Variants in CPQ observed in about 807,000 individuals in gnomAD.
The protein encoded by CPQ is carboxypeptidase Q.
CPQ carries 37 observed loss-of-function variants against 45.7 expected under a neutral mutation model. The ratio of observed to expected loss-of-function variants is 0.81; its 90% CI spans 0.62 to 1.07. The LOEUF (loss-of-function observed/expected upper bound fraction) is 1.07. Among genes scored for constraint, CPQ ranks in the 50% least tolerant of loss-of-function variants. The pLI, the probability that CPQ is intolerant of heterozygous loss-of-function variation, is 0.00. For missense variants in CPQ, 537 were observed against 572.9 expected (o/e 0.94, Z 0.64); for synonymous variants, 186 against 205.8 (o/e 0.90, Z 0.82).
At chr8:96,941,311 A>G (rs754517641) in intron 4 of CPQ, among the ~76,000 whole-genome samples, 5 of 152,138 alleles carry the variant, frequency 3.3e-5, no homozygotes, top group Admixed American at 6.6e-5. Context: ...TTGCACTCTT[A>G]CTATTATAAA....
chr8:96,853,462 C>T (rs991915737), intron 3 of CPQ, among the ~76,000 whole-genome samples: 7 of 152,126 alleles, frequency 4.6e-5, no homozygotes, highest in Non-Finnish European at 1.0e-4. Context: ...CTCAACCTTG[C>T]ACTGTGCTGT....
chr8:96,701,786 C>T (rs1809465839), intron 1 of CPQ, among the ~76,000 whole-genome samples: 2 of 152,138 alleles, frequency 1.3e-5, no homozygotes, highest in Admixed American at 1.3e-4. Context: ...CAGCTAAAGC[C>T]CTGACACTCA....
chr8:96,956,594 C>A (rs1040509052), intron 4 of CPQ, among the ~76,000 whole-genome samples: 1 of 152,000 alleles, frequency 6.6e-6, no homozygotes, highest in South Asian at 2.1e-4. Flanking sequence ...TACATATATT[C>A]TTTTCCTTGG....
chr8:97,081,604 T>A (rs1810951161), intron 7 of CPQ, among the ~76,000 whole-genome samples: 1 of 152,174 alleles, frequency 6.6e-6, no homozygotes, highest in Non-Finnish European at 1.5e-5. Flanking sequence ...TTCATCTCCC[T>A]GGCCTTCCAA....
chr8:97,065,701 T>G (rs1810624202), intron 6 of CPQ, among the ~76,000 whole-genome samples: 1 of 152,182 alleles, frequency 6.6e-6, no homozygotes, highest in African/African-American at 2.4e-5. Flanking sequence ...TTAAGAAAAT[T>G]AGTTGAAAGA....
At chr8:96,817,149 A>C (rs1471597364) in intron 2 of CPQ, among the ~76,000 whole-genome samples, 2 of 152,122 alleles carry the variant, frequency 1.3e-5, no homozygotes, top group Non-Finnish European at 2.9e-5. Flanking sequence ...TACATTGAAA[A>C]TCTGTTGTTC....
intron 1 of CPQ, among the ~76,000 whole-genome samples, chr8:96,762,229 A>G (rs1486043280): frequency 1.3e-5 from 2 of 152,114 alleles, no homozygotes; most frequent in Non-Finnish European, 2.9e-5. Context: ...CTTATCTTTT[A>G]TGTTTGAATG....
chr8:96,881,610 C>T (rs1812223948), intron 4 of CPQ, among the ~76,000 whole-genome samples: 1 of 152,136 alleles, frequency 6.6e-6, no homozygotes, highest in East Asian at 1.9e-4. Flanking sequence ...TAGAAGGAAA[C>T]TCAATTACCC....
At chr8:96,683,175 T>G (rs1227822556) in intron 1 of CPQ, among the ~76,000 whole-genome samples, 1 of 152,156 alleles carries the variant, frequency 6.6e-6, no homozygotes, top group Non-Finnish European at 1.5e-5. Context: ...AGATGTAGGA[T>G]TCCGTTAAGT....
rs150046254 is a variant in CPQ, at chr8:96,914,184, T to G, written c.849+34179T>G. ...CTGTCTTTGCGTATGAAGTTTTTGTTTGTGTTTTGCTTCGATTAGTTTTGT... is the reference window on the plus strand; with the variant it reads ...CTGTCTTTGCGTATGAAGTTTTTGTGTGTGTTTTGCTTCGATTAGTTTTGT... On this transcript the variant is annotated intron_variant, in intron 4 of 7. Coordinates refer to ENST00000220763, the MANE Select transcript of CPQ (RefSeq NM_016134.4). 2.2e-3 allele frequency among the ~76,000 whole-genome samples: 333 copies of G among 152,332 alleles called. 2 individuals are homozygous for G. Among genetic ancestry groups the G allele is most frequent in the African/African-American group, 7.6e-3 (316 of 41,580 alleles).
At chr8:96,849,995 C>G (rs959502819) in intron 3 of CPQ, among the ~76,000 whole-genome samples, 2 of 152,090 alleles carry the variant, frequency 1.3e-5, no homozygotes, top group African/African-American at 4.8e-5. Context: ...TGCCATCTTT[C>G]TTTTCTTTCA....
At chr8:96,912,711 C>T (rs73279840) in intron 4 of CPQ, among the ~76,000 whole-genome samples, 4 of 152,052 alleles carry the variant, frequency 2.6e-5, no homozygotes, top group Non-Finnish European at 2.9e-5. Flanking sequence ...TGACCTACCT[C>T]GAAGGAGTAT....
chr8:96,890,806 G>A (rs1812363012), intron 4 of CPQ, among the ~76,000 whole-genome samples: 3 of 152,162 alleles, frequency 2.0e-5, no homozygotes, highest in Non-Finnish European at 1.5e-5. Context: ...TAATGTAGCA[G>A]GAACAGAAAA....
At chr8:96,814,800 T>TA (rs1250223804) in intron 2 of CPQ, among the ~76,000 whole-genome samples, 1 of 152,120 alleles carries the variant, frequency 6.6e-6, no homozygotes, top group African/African-American at 2.4e-5. Flanking sequence ...AAAAGTGGTA[T>TA]AGCCATACAA....
At chr8:96,838,396 T>C (rs1811559113) in intron 3 of CPQ, among the ~76,000 whole-genome samples, 1 of 152,118 alleles carries the variant, frequency 6.6e-6, no homozygotes, top group South Asian at 2.1e-4. Context: ...TCTGCATTCA[T>C]CTGACGCATA....
chr8:96,691,503 A>C (rs569848798), intron 1 of CPQ, among the ~76,000 whole-genome samples: 8 of 152,196 alleles, frequency 5.3e-5, no homozygotes, highest in Non-Finnish European at 1.0e-4. Context: ...TTTCTGTGTC[A>C]TCTCTCTTCA....
chr8:96,926,071 C>G (rs914876442), intron 4 of CPQ, among the ~76,000 whole-genome samples: 30 of 152,188 alleles, frequency 2.0e-4, no homozygotes, highest in African/African-American at 7.2e-4. Flanking sequence ...TGATTGCTCT[C>G]TTCTCTGAAA....
intron 1 of CPQ, among the ~76,000 whole-genome samples, chr8:96,739,867 T>G (rs1810056358): frequency 6.6e-6 from 1 of 152,070 alleles, no homozygotes; most frequent in African/African-American, 2.4e-5. Flanking sequence ...TACTGTAGCC[T>G]AGTAGTATAG....
intron 1 of CPQ, among the ~76,000 whole-genome samples, chr8:96,773,246 G>A (rs1292877903): frequency 6.6e-6 from 1 of 152,098 alleles, no homozygotes; most frequent in Non-Finnish European, 1.5e-5. Flanking sequence ...TGTGCTATTT[G>A]TTTAATATGC....
Sources: gnomAD v4.1 joint callset for allele counts (sites outside exome capture counted in the v4.1 genomes callset) on GRCh38, gnomAD v4.1.1 for gene constraint, MANE v1.5 for transcripts, NCBI Gene and HGNC (gene_info 2026-07-23, HGNC 2026-07-21) for gene names.